EYS: variants seen among roughly 807,000 people sequenced by gnomAD.
EYS encodes the protein protein eyes shut homolog.
In EYS, 250 loss-of-function variants were observed where a neutral mutation model predicts 282.1. The ratio of observed to expected loss-of-function variants is 0.89; its 90% CI spans 0.80 to 0.98. EYS has a LOEUF of 0.98. Ranked by LOEUF, EYS falls within the 50% of genes least tolerant of loss-of-function variation. EYS has a pLI of 0.00. For synonymous variants in EYS, 1,355 were observed against 1,282.9 expected (o/e 1.06, Z -1.20); for missense variants, 4,016 against 3,709.0 (o/e 1.08, Z -2.15).
At chr6:65,278,777 A>G (rs1259140821) in intron 12 of EYS, among the ~76,000 whole-genome samples, 4 of 152,190 alleles carry the variant, frequency 2.6e-5, no homozygotes, top group African/African-American at 7.2e-5. Flanking sequence ...TGTGAAATAT[A>G]CTACATTTAC....
intron 22 of EYS, among the ~76,000 whole-genome samples, chr6:64,775,157 T>G (rs1415402943): frequency 6.6e-6 from 1 of 151,934 alleles, no homozygotes; most frequent in Non-Finnish European, 1.5e-5. Flanking sequence ...ATCAAATTAT[T>G]TCTAAAAATC....
chr6:65,431,069 C>G (rs1466967928), intron 5 of EYS, among the ~76,000 whole-genome samples: 1 of 152,160 alleles, frequency 6.6e-6, no homozygotes, highest in Non-Finnish European at 1.5e-5. Context: ...GGCAGAGCAC[C>G]AAGTGGGCAC....
intron 31 of EYS, among the ~76,000 whole-genome samples, chr6:64,134,270 G>C (rs545221749): frequency 6.6e-6 from 1 of 151,910 alleles, no homozygotes; most frequent in Non-Finnish European, 1.5e-5. Flanking sequence ...GATGAGGAAG[G>C]CCTTTTCAGT....
At chr6:63,829,714 G>C (rs1170297730) in intron 36 of EYS, among the ~76,000 whole-genome samples, 1 of 152,216 alleles carries the variant, frequency 6.6e-6, no homozygotes, top group Non-Finnish European at 1.5e-5. Context: ...GAAGAGAGTA[G>C]TGGTTCTCAC....
chr6:65,130,178 C>T (rs560032361), intron 12 of EYS, among the ~76,000 whole-genome samples: 41 of 151,534 alleles, frequency 2.7e-4, no homozygotes, highest in Non-Finnish European at 4.9e-4. Flanking sequence ...GAGAGGAGGG[C>T]AAGGGCTGAA....
At chr6:65,140,079 G>A (rs907378761) in intron 12 of EYS, among the ~76,000 whole-genome samples, 1 of 151,924 alleles carries the variant, frequency 6.6e-6, no homozygotes, top group Admixed American at 6.6e-5. Context: ...ATTTTGTAAT[G>A]ATCTGAAAAG....
At chr6:63,999,229 A>C in intron 33 of EYS, 46 bp from the exon 34 acceptor site, 1 of 1,257,560 alleles carries the variant, frequency 8.0e-7, no homozygotes, top group Non-Finnish European at 1.1e-6. Context: ...GTTTTTGGCA[A>C]GAAAGGAGTA....
intron 19 of EYS, among the ~76,000 whole-genome samples, chr6:64,853,810 GC>G (rs1765961351): frequency 6.6e-6 from 1 of 151,962 alleles, no homozygotes; most frequent in African/African-American, 2.4e-5. Context: ...GAGTGAACAG[GC>G]AACCTACAGA....
At chr6:65,300,232 T>C (rs531345532) in intron 11 of EYS, among the ~76,000 whole-genome samples, 2 of 152,284 alleles carry the variant, frequency 1.3e-5, no homozygotes, top group South Asian at 4.1e-4. Context: ...GCTCACTTCA[T>C]AGTGTTTTCT....
intron 22 of EYS, among the ~76,000 whole-genome samples, chr6:64,672,957 A>G (rs938749512): frequency 6.6e-6 from 1 of 152,200 alleles, no homozygotes; most frequent in Non-Finnish European, 1.5e-5. Flanking sequence ...GGAAAAAGTT[A>G]CAGATAGAGA....
chr6:64,299,922 T>G (rs1248649650), intron 30 of EYS, among the ~76,000 whole-genome samples: 1 of 152,116 alleles, frequency 6.6e-6, no homozygotes, highest in East Asian at 1.9e-4. Flanking sequence ...GAGGAAGAAC[T>G]GTTACCTACC....
chr6:64,161,869 C>T (rs1775117495), intron 31 of EYS, among the ~76,000 whole-genome samples: 1 of 152,008 alleles, frequency 6.6e-6, no homozygotes, highest in Non-Finnish European at 1.5e-5. Flanking sequence ...ATTTCTAGAT[C>T]GATTTTCAGG....
chr6:64,416,799 G>A (rs1242147437), intron 28 of EYS, among the ~76,000 whole-genome samples: 1 of 152,116 alleles, frequency 6.6e-6, no homozygotes, highest in African/African-American at 2.4e-5. Flanking sequence ...TAATATGGCT[G>A]TCCTTAGGTA....
At chr6:64,294,520 A>G (rs1016833760) in intron 30 of EYS, among the ~76,000 whole-genome samples, 1 of 152,158 alleles carries the variant, frequency 6.6e-6, no homozygotes, top group African/African-American at 2.4e-5. Flanking sequence ...CCTGTAATAA[A>G]ATCCTGCATC....
At chr6:65,427,258 A>T (rs923908823) in intron 5 of EYS, among the ~76,000 whole-genome samples, 1 of 151,982 alleles carries the variant, frequency 6.6e-6, no homozygotes, top group East Asian at 1.9e-4. Flanking sequence ...ATTTTAGCAC[A>T]TTTCTTGGAA....
chr6:63,950,654 C>G (rs1042553805), intron 35 of EYS, among the ~76,000 whole-genome samples: 2 of 152,162 alleles, frequency 1.3e-5, no homozygotes, highest in Non-Finnish European at 2.9e-5. Flanking sequence ...TGTCCTCCTG[C>G]TCTTTGCTCC....
At chr6:64,407,443 A>G (rs1354477548) in intron 28 of EYS, among the ~76,000 whole-genome samples, 3 of 152,172 alleles carry the variant, frequency 2.0e-5, no homozygotes, top group Non-Finnish European at 4.4e-5. Context: ...AACTTAAAGT[A>G]TAATTTAAAA....
At chr6:64,978,387 T>C (rs1770541149) in intron 14 of EYS, among the ~76,000 whole-genome samples, 2 of 151,930 alleles carry the variant, frequency 1.3e-5, no homozygotes, top group South Asian at 4.1e-4. Context: ...GCCCACTCTT[T>C]AGACCTACTG....
intron 26 of EYS, among the ~76,000 whole-genome samples, chr6:64,557,346 A>G (rs1765265443): frequency 6.6e-6 from 1 of 151,950 alleles, no homozygotes; most frequent in South Asian, 2.1e-4. Context: ...GCATATTTGT[A>G]TATTTTTAAA....
Sources: gnomAD v4.1 joint callset for allele counts (sites outside exome capture counted in the v4.1 genomes callset) on GRCh38, gnomAD v4.1.1 for gene constraint, MANE v1.5 for transcripts, NCBI Gene and HGNC (gene_info 2026-07-23, HGNC 2026-07-21) for gene names.